The following SEC14L1 variants were observed in gnomAD, a reference collection of about 807,000 sequenced individuals.
SEC14L1 encodes SEC14-like protein 1.
SEC14L1 carries 48 observed loss-of-function variants against 85.3 expected under a neutral mutation model. The ratio of observed to expected loss-of-function variants is 0.56; its 90% CI spans 0.45 to 0.72. The LOEUF (loss-of-function observed/expected upper bound fraction) is 0.72, where lower values mean the gene tolerates loss of function less well. SEC14L1 is among the 30% of genes least tolerant of loss of function. The pLI is 0.00. For missense variants in SEC14L1, 682 were observed against 921.4 expected (o/e 0.74, Z 3.36); for synonymous variants, 391 against 355.5 (o/e 1.10, Z -1.12).
intron 3 of SEC14L1, among the ~76,000 whole-genome samples, chr17:77,134,743 A>C (rs1972737866): frequency 6.6e-6 from 1 of 152,108 alleles, no homozygotes; most frequent in African/African-American, 2.4e-5. Context: ...AAATAAATTA[A>C]ATAAATAAAA....
intron 5 of SEC14L1, among the ~76,000 whole-genome samples, chr17:77,192,892 A>G (rs1975614324): frequency 6.6e-6 from 1 of 151,998 alleles, no homozygotes; most frequent in African/African-American, 2.4e-5. Context: ...AAACTCCTGG[A>G]CTCAAGTGAT....
chr17:77,211,813 TCCGTCCATACGCATTCAGCGTTTC>T, intron 14 of SEC14L1, 113 bp from the exon 15 acceptor site: 1 of 1,074,514 alleles, frequency 9.3e-7, no homozygotes, highest in Non-Finnish European at 1.4e-6. Flanking sequence ...GGGAAAGAGA[TCCGTCCATACGCATTCAGCGTTTC>T]CCTCCCCAGC....
At chr17:77,169,352 G>C (rs1974430588) in intron 3 of SEC14L1, among the ~76,000 whole-genome samples, 1 of 152,168 alleles carries the variant, frequency 6.6e-6, no homozygotes, top group South Asian at 2.1e-4. Flanking sequence ...CTTTAACTTG[G>C]GGGAATAGCA....
upstream of SEC14L1, among the ~76,000 whole-genome samples, chr17:77,137,943 A>G (rs76180384): frequency 0.014 from 2,130 of 152,276 alleles, 47 homozygotes; most frequent in Admixed American, 0.04. Context: ...TGTGCAGGAG[A>G]TTGGAGTTTT....
At chr17:77,093,801 A>T (rs972268093) in intron 3 of SEC14L1, 1 of 152,110 alleles carries the variant, frequency 6.6e-6, no homozygotes, top group Non-Finnish European at 1.5e-5. Flanking sequence ...GAGTCTCACT[A>T]TGTTGCCTAT....
Position 77,107,480 on chromosome 17 carries a change from A to T in SEC14L1, c.-136+14133A>T, listed in dbSNP as rs535525282. 1.1e-3 allele frequency among the ~76,000 whole-genome samples: 165 copies of T among 152,214 alleles called. 3 individuals carry two copies. The highest frequency in any genetic ancestry group is 3.8e-4 in the Non-Finnish European group (26 of 68,038). ...ATTTTCAGTAAACAAAAAATCTATT[A>T]TATATTTCTATTCTATGTTATGCTA... is the stretch of plus-strand genomic sequence containing the variant. On this transcript the variant is annotated intron_variant, in intron 3 of 19. Transcript: ENST00000392476.
At chr17:77,176,038 C>A (rs1276630325) in intron 3 of SEC14L1, among the ~76,000 whole-genome samples, 18 of 151,924 alleles carry the variant, frequency 1.2e-4, no homozygotes, top group Admixed American at 1.2e-3. Context: ...GCCTGTAATC[C>A]CAGCACTTTG....
At chr17:77,089,516 G>A in intron 2 of SEC14L1, 1 of 507,184 alleles carries the variant, frequency 2.0e-6, no homozygotes, top group Non-Finnish European at 3.9e-6. Context: ...GAAAATGGTT[G>A]TAGTTAGTAT....
chr17:77,215,538 G>GC lies in SEC14L1; in HGVS notation c.*1516dup. 2.0e-6 allele frequency: 2 copies of GC among 986,750 alleles called. No individual in the cohort carries two copies. Among genetic ancestry groups the GC allele is most frequent in the African/African-American group, 3.5e-5 (2 of 57,306 alleles). 61.1% of individuals were successfully genotyped at this position (986,750 alleles called of 1,614,324 possible). The stretch of plus-strand genomic sequence containing the variant: ...TGTGCCCCGTGCAGGGATCAGGAGG[G>GC]CGGGGGAGGGACCGAGCAGCCCTCT... On this transcript the variant is annotated 3_prime_UTR_variant, in exon 17 of 17. Transcript: ENST00000436233.
chr17:77,158,017 T>A (rs1973886538), intron 3 of SEC14L1, among the ~76,000 whole-genome samples: 1 of 151,788 alleles, frequency 6.6e-6, no homozygotes, highest in African/African-American at 2.4e-5. Context: ...AACAAGCATG[T>A]GGGCTGGGCA....
intron 3 of SEC14L1, among the ~76,000 whole-genome samples, chr17:77,128,420 ATTT>A (rs1567881013): frequency 3.8e-5 from 2 of 52,348 alleles, no homozygotes; most frequent in East Asian, 3.4e-4. Context: ...ATTTTATTTT[ATTT>A]TATTTTATTT....
At chr17:77,125,415 G>C (rs1972419990) in intron 3 of SEC14L1, among the ~76,000 whole-genome samples, 1 of 150,198 alleles carries the variant, frequency 6.7e-6, no homozygotes, top group South Asian at 2.1e-4. Context: ...TTAGTCCTTA[G>C]ATTCTGAAGT....
At chr17:77,102,748 C>T (rs986146034) in intron 3 of SEC14L1, among the ~76,000 whole-genome samples, 2 of 152,124 alleles carry the variant, frequency 1.3e-5, no homozygotes, top group African/African-American at 4.8e-5. Context: ...AGGTGATCCT[C>T]CCACCTTGGC....
At chr17:77,096,588 G>A (rs970126455) in intron 3 of SEC14L1, among the ~76,000 whole-genome samples, 4 of 151,752 alleles carry the variant, frequency 2.6e-5, no homozygotes, top group Admixed American at 2.6e-4. Context: ...CACAAGCCCT[G>A]TATCAGAAAA....
chr17:77,213,230 G>T lies in SEC14L1; in HGVS notation c.1864-84G>T. 3 of 1,168,220 alleles carry T rather than the reference G, an allele frequency of 2.6e-6. No individual in the cohort carries two copies. The highest frequency in any genetic ancestry group is 3.6e-6 in the Non-Finnish European group (3 of 833,704). The allele number at this position is 1,168,220 out of a possible 1,614,324, so 72.4% of individuals were successfully genotyped here. On this transcript the variant is annotated intron_variant, in intron 15 of 16. Transcript: ENST00000436233. The surrounding 1 kb of genome is among the most constrained non-coding windows in gnomAD (Gnocchi z 7.1). ...GTAGCTACATGAAATCCTAAAGACA[G>T]TCCCCTTGGCGCTTGTCAGGCCTGT...
intron 11 of SEC14L1, among the ~76,000 whole-genome samples, chr17:77,205,972 ATC>A (rs1246817370): frequency 6.6e-6 from 1 of 152,168 alleles, no homozygotes; most frequent in Admixed American, 6.5e-5. Flanking sequence ...CACTGAGCAT[ATC>A]TGAGAGAGCT....
intron 3 of SEC14L1, among the ~76,000 whole-genome samples, chr17:77,123,827 G>T (rs929671809): frequency 6.6e-6 from 1 of 152,222 alleles, no homozygotes; most frequent in Non-Finnish European, 1.5e-5. Flanking sequence ...TGGACACCTG[G>T]ACAAAGTTGG....
intron 3 of SEC14L1, among the ~76,000 whole-genome samples, chr17:77,173,282 C>T (rs368178021): frequency 3.3e-5 from 5 of 151,822 alleles, no homozygotes; most frequent in East Asian, 3.9e-4. Flanking sequence ...TGTTCTGTCT[C>T]GCACCGAAGT....
At chr17:77,199,780 T>C (rs1976029800) in intron 8 of SEC14L1, among the ~76,000 whole-genome samples, 1 of 152,238 alleles carries the variant, frequency 6.6e-6, no homozygotes, top group African/African-American at 2.4e-5. Context: ...TTATTCAAAC[T>C]GATAATGCTG....
Sources: gnomAD v4.1 joint callset for allele counts (sites outside exome capture counted in the v4.1 genomes callset) on GRCh38, gnomAD v4.1.1 for gene constraint, Gnocchi (gnomAD v3.1) non-coding constraint, MANE v1.5 for transcripts, NCBI Gene and HGNC (gene_info 2026-07-23, HGNC 2026-07-21) for gene names.